The following STK4 variants were observed in gnomAD, a reference collection of about 807,000 sequenced individuals.
STK4 encodes the protein serine/threonine-protein kinase 4.
A neutral mutation model predicts 64.9 loss-of-function variants in STK4; 30 were observed. That is an observed-to-expected ratio of 0.46 (90% CI 0.35 to 0.63). The LOEUF (loss-of-function observed/expected upper bound fraction) is 0.63, where lower values mean the gene tolerates loss of function less well. Among genes scored for constraint, STK4 ranks in the 20% least tolerant of loss-of-function variants. The pLI, the probability that STK4 is intolerant of heterozygous loss-of-function variation, is 0.01. For missense variants in STK4, 466 were observed against 598.5 expected (o/e 0.78, Z 2.31); for synonymous variants, 177 against 199.0 (o/e 0.89, Z 0.93).
intron 10 of STK4, among the ~76,000 whole-genome samples, chr20:45,025,400 A>G (rs2068327263): frequency 1.3e-5 from 2 of 152,230 alleles, no homozygotes; most frequent in South Asian, 2.1e-4. Context: ...TTCAATCATC[A>G]AATGAAATTG....
intron 9 of STK4, among the ~76,000 whole-genome samples, chr20:45,007,058 T>C (rs1468087222): frequency 3.3e-5 from 5 of 152,154 alleles, no homozygotes; most frequent in Non-Finnish European, 5.9e-5. Flanking sequence ...TTTGTTTGTT[T>C]GTTTGTTTTT....
At chr20:44,987,897 A>C (rs1369424660) in intron 5 of STK4, among the ~76,000 whole-genome samples, 1 of 152,134 alleles carries the variant, frequency 6.6e-6, no homozygotes, top group African/African-American at 2.4e-5. Flanking sequence ...AAAATATTAC[A>C]TATCAAGTGG....
Position 45,001,309 on chromosome 20 carries a change from T to G in STK4, c.1103T>G (p.Met368Arg), listed in dbSNP as rs2067836523. Residue 368 changes from methionine (M) to arginine (R), a missense_variant, in exon 9 of 11, where the codon ATG (methionine) becomes AGG (arginine). Physicochemically the swap from Met to Arg is moderately conservative, Grantham distance 91. Coordinates refer to ENST00000372806, the MANE Select transcript of STK4 (RefSeq NM_006282.5). ...DDTLPSQLGT[M>R]VINAEDEEEE... is the part of the protein sequence containing the mutation. ...ACGTTGCCATCACAACTGGGCACCATGGTGATCAATGCAGAGGATGAGGAA... is the reference window on the plus strand; with the variant it reads ...ACGTTGCCATCACAACTGGGCACCAGGGTGATCAATGCAGAGGATGAGGAA... The G allele has an allele frequency of 6.2e-7, 1 of 1,614,098 alleles. No individual in the cohort carries two copies. Among genetic ancestry groups the G allele is most frequent in the Non-Finnish European group, 8.5e-7 (1 of 1,179,980 alleles).
intron 3 of STK4, among the ~76,000 whole-genome samples, chr20:44,979,603 T>C (rs964403951): frequency 6.6e-6 from 1 of 152,216 alleles, no homozygotes; most frequent in Non-Finnish European, 1.5e-5. Flanking sequence ...CAGTTGAAGC[T>C]GCATTCATTC....
chr20:45,006,143 G>C (rs2067939876), intron 9 of STK4, among the ~76,000 whole-genome samples: 1 of 150,402 alleles, frequency 6.6e-6, no homozygotes, highest in Non-Finnish European at 1.5e-5. Flanking sequence ...AAGGACCCAG[G>C]ACTTTATTCA....
intron 5 of STK4, among the ~76,000 whole-genome samples, chr20:44,993,292 T>G (rs959241288): frequency 1.3e-5 from 2 of 152,052 alleles, no homozygotes; most frequent in African/African-American, 4.8e-5. Context: ...CATAGTGAAC[T>G]TCTGGACTTT....
At chr20:45,070,777 A>C (rs888670462) in intron 10 of STK4, among the ~76,000 whole-genome samples, 1 of 151,760 alleles carries the variant, frequency 6.6e-6, no homozygotes, top group African/African-American at 2.4e-5. Context: ...AATCCCAGCT[A>C]CTTGGGAGGC....
intron 9 of STK4, 69 bp downstream of exon 9, chr20:45,001,422 A>G: frequency 6.6e-7 from 1 of 1,519,564 alleles, no homozygotes; most frequent in South Asian, 1.3e-5. Context: ...ACAGATTCTC[A>G]TGGTTCATGC....
At chr20:45,068,849 T>TCCC in intron 10 of STK4, among the ~76,000 whole-genome samples, 1 of 152,332 alleles carries the variant, frequency 6.6e-6, no homozygotes, top group South Asian at 2.1e-4. Flanking sequence ...GTGAAGTAAT[T>TCCC]AACATACTTC....
In STK4 at chr20:44,978,570, A is replaced by T. The variant is rs1301214486; in HGVS notation, c.244A>T (p.Ser82Cys). The T allele has an allele frequency of 6.2e-7, 1 of 1,613,690 alleles. No individual in the cohort carries two copies. Among genetic ancestry groups the T allele is most frequent in the African/African-American group, 1.3e-5 (1 of 74,916 alleles). ...KEISIMQQCD[S>C]PHVVKYYGSY... is the part of the protein sequence containing the mutation. ...AATCTCTATAATGCAGCAATGTGAC[A>T]GGTAAAGGCATGTGGGCTTCCTTTG... The change falls in exon 3 of 11, where the codon AGC becomes TGC. Residue 82 changes from serine to cysteine, a missense_variant and splice_region_variant. Transcript: ENST00000372806.
intron 10 of STK4, among the ~76,000 whole-genome samples, chr20:45,066,027 C>T (rs1979537766): frequency 6.6e-6 from 1 of 151,932 alleles, no homozygotes. Flanking sequence ...TTTGGATTTG[C>T]CAAAGAGAAG....
At chr20:45,058,704 A>G (rs867538504) in intron 10 of STK4, among the ~76,000 whole-genome samples, 1 of 152,154 alleles carries the variant, frequency 6.6e-6, no homozygotes, top group African/African-American at 2.4e-5. Context: ...AGGGTTTCTT[A>G]TGTGATTAGC....
At chr20:44,983,929 A>G (rs1305917920) in intron 4 of STK4, among the ~76,000 whole-genome samples, 1 of 152,112 alleles carries the variant, frequency 6.6e-6, no homozygotes, top group African/African-American at 2.4e-5. Flanking sequence ...ATCGAATAGC[A>G]AGTTCTTTAG....
intron 10 of STK4, among the ~76,000 whole-genome samples, chr20:45,044,571 T>C (rs1230387445): frequency 6.6e-6 from 1 of 152,138 alleles, no homozygotes; most frequent in East Asian, 1.9e-4. Flanking sequence ...GGAGGCTTGC[T>C]TGAACCCGGG....
At chr20:45,028,724 C>T (rs76118418) in intron 10 of STK4, among the ~76,000 whole-genome samples, 4,267 of 152,158 alleles carry the variant, frequency 0.028, 184 homozygotes, top group African/African-American at 0.092. Flanking sequence ...AATGTCTATT[C>T]AGGCCTTTTG....
At chr20:45,059,385 C>A (rs752717456) in intron 10 of STK4, among the ~76,000 whole-genome samples, 1 of 152,174 alleles carries the variant, frequency 6.6e-6, no homozygotes, top group Non-Finnish European at 1.5e-5. Flanking sequence ...TTGCCAGCAT[C>A]ACTACTCTTG....
chr20:45,023,122 T>A (rs2068278157), intron 9 of STK4, among the ~76,000 whole-genome samples: 1 of 152,148 alleles, frequency 6.6e-6, no homozygotes, highest in African/African-American at 2.4e-5. Flanking sequence ...CAGGCTGGAG[T>A]GCAGTTGCAT....
chr20:45,039,017 G>A (rs1378795006), intron 10 of STK4, among the ~76,000 whole-genome samples: 2 of 152,022 alleles, frequency 1.3e-5, no homozygotes, highest in African/African-American at 4.8e-5. Flanking sequence ...GCAAAAAGAG[G>A]TGTAGTTGAA....
intron 1 of STK4, among the ~76,000 whole-genome samples, chr20:44,970,895 G>T (rs932734478): frequency 4.0e-5 from 6 of 151,574 alleles, no homozygotes; most frequent in Admixed American, 3.3e-4. Context: ...ACATTTGTGT[G>T]TGTGTGTGTG....
Sources: allele counts gnomAD v4.1 joint callset (sites outside exome capture counted in the v4.1 genomes callset), GRCh38; gene constraint gnomAD v4.1.1; transcripts MANE v1.5; gene names NCBI Gene and HGNC (gene_info 2026-07-23, HGNC 2026-07-21).